Variants in RAB38 observed in about 807,000 individuals in gnomAD.
The protein encoded by RAB38 is RAB38, member RAS oncogene family, also known as ras-related protein Rab-38.
RAB38 carries 15 observed loss-of-function variants against 18.4 expected under a neutral mutation model. That is an observed-to-expected ratio of 0.82 (90% CI 0.55 to 1.26). The LOEUF is 1.26. Ranked by LOEUF, RAB38 falls within the 50% of genes most tolerant of loss-of-function variation. The pLI, the probability that RAB38 is intolerant of heterozygous loss-of-function variation, is 0.00. For synonymous variants in RAB38, 101 were observed against 104.4 expected, an observed-to-expected ratio of 0.97 and a Z score of 0.20; for missense variants, 294 against 267.4, an observed-to-expected ratio of 1.10 and a Z score of -0.69.
chr11:87,818,320 T>C, the RAB38 span, among the ~76,000 whole-genome samples: 1 of 152,184 alleles, frequency 6.6e-6, no homozygotes, highest in East Asian at 1.9e-4. Context: ...AACAAATGAA[T>C]GAACACGATG....
intron 2 of RAB38, among the ~76,000 whole-genome samples, chr11:88,118,236 C>A (rs1942583520): frequency 6.6e-6 from 1 of 152,194 alleles, no homozygotes; most frequent in African/African-American, 2.4e-5. Context: ...AGGAATCAGG[C>A]AAGGCTGATT....
At chr11:88,105,997 T>G in the RAB38 span, among the ~76,000 whole-genome samples, 4 of 152,166 alleles carry the variant, frequency 2.6e-5, no homozygotes, top group African/African-American at 9.6e-5. Context: ...CTAACATTTA[T>G]TATAATGATA....
the RAB38 span, among the ~76,000 whole-genome samples, chr11:87,943,665 C>G: frequency 6.6e-6 from 1 of 151,910 alleles, no homozygotes; most frequent in Non-Finnish European, 1.5e-5. Context: ...TTGGGAGAGG[C>G]CTGTGAAAGG....
the RAB38 span, among the ~76,000 whole-genome samples, chr11:88,035,696 G>A: frequency 1.3e-5 from 2 of 152,174 alleles, no homozygotes; most frequent in African/African-American, 4.8e-5. Context: ...GTAAGGATCT[G>A]AATACCTCAA....
chr11:88,143,809 C>A (rs1942947789), intron 2 of RAB38, among the ~76,000 whole-genome samples: 2 of 152,156 alleles, frequency 1.3e-5, no homozygotes, highest in South Asian at 2.1e-4. Flanking sequence ...ATGGTTATAG[C>A]CTCTGATCGT....
chr11:87,948,145 C>G, the RAB38 span, among the ~76,000 whole-genome samples: 2 of 152,170 alleles, frequency 1.3e-5, no homozygotes, highest in Middle Eastern at 3.4e-3. Context: ...GTATTTTATT[C>G]TCTTTGAAGC....
the RAB38 span, among the ~76,000 whole-genome samples, chr11:87,952,181 A>C: frequency 6.6e-6 from 1 of 152,092 alleles, no homozygotes; most frequent in African/African-American, 2.4e-5. Context: ...GCTGGGGGGT[A>C]GGGAACACTC....
chr11:87,939,674 A>G, the RAB38 span, among the ~76,000 whole-genome samples: 4 of 152,070 alleles, frequency 2.6e-5, no homozygotes, highest in Non-Finnish European at 4.4e-5. Flanking sequence ...CCTGGGCAAC[A>G]TGGTGAGACC....
downstream of RAB38, among the ~76,000 whole-genome samples, chr11:88,108,821 A>C (rs1204881513): frequency 1.3e-5 from 2 of 152,160 alleles, no homozygotes; most frequent in Admixed American, 1.3e-4. Flanking sequence ...GCTCTTGTAA[A>C]GCAGGCGTGG....
the RAB38 span, among the ~76,000 whole-genome samples, chr11:88,077,631 A>G: frequency 6.6e-6 from 1 of 152,288 alleles, no homozygotes; most frequent in South Asian, 2.1e-4. Context: ...TGTTCCCTAT[A>G]TACAAAAGTC....
the RAB38 span, among the ~76,000 whole-genome samples, chr11:87,860,865 T>C: frequency 6.6e-6 from 1 of 152,036 alleles, no homozygotes; most frequent in South Asian, 2.1e-4. Context: ...CTGTATGTTA[T>C]AATTTAAAGT....
chr11:88,086,529 G>C, the RAB38 span, among the ~76,000 whole-genome samples: 1 of 151,846 alleles, frequency 6.6e-6, no homozygotes, highest in Non-Finnish European at 1.5e-5. Flanking sequence ...CCTGACATAC[G>C]CTATTCCAAT....
chr11:88,006,746 G>C, the RAB38 span, among the ~76,000 whole-genome samples: 4 of 151,118 alleles, frequency 2.6e-5, no homozygotes, highest in Non-Finnish European at 3.0e-5. Flanking sequence ...AAACAACCCA[G>C]TCACAGAAAG....
At chr11:87,928,107 A>G in the RAB38 span, among the ~76,000 whole-genome samples, 5 of 151,700 alleles carry the variant, frequency 3.3e-5, no homozygotes, top group African/African-American at 9.7e-5. Flanking sequence ...ACAAGAAAAG[A>G]AAGAAAGAAA....
chr11:87,917,799 A>C, the RAB38 span: 1 of 152,116 alleles, frequency 6.6e-6, no homozygotes, highest in African/African-American at 2.4e-5. Flanking sequence ...CACTGTGTGC[A>C]GAGAAGAGGA....
the RAB38 span, among the ~76,000 whole-genome samples, chr11:87,957,779 G>T: frequency 5.9e-5 from 9 of 151,994 alleles, no homozygotes; most frequent in Non-Finnish European, 1.2e-4. Flanking sequence ...ACACATCTTG[G>T]GGGAGCGTGG....
At chr11:88,096,269 A>C in the RAB38 span, among the ~76,000 whole-genome samples, 2 of 151,818 alleles carry the variant, frequency 1.3e-5, no homozygotes, top group African/African-American at 2.4e-5. Flanking sequence ...GGAAACCCCA[A>C]GCATGTTCCT....
the RAB38 span, among the ~76,000 whole-genome samples, chr11:87,962,484 C>T: frequency 6.6e-6 from 1 of 150,648 alleles, no homozygotes; most frequent in Admixed American, 6.7e-5. Context: ...TGGTGGTTAC[C>T]AGAGGCTTGG....
the RAB38 span, among the ~76,000 whole-genome samples, chr11:87,911,323 G>A: frequency 6.6e-6 from 1 of 151,984 alleles, no homozygotes; most frequent in Non-Finnish European, 1.5e-5. Context: ...AAAGCCTATG[G>A]AGATTTTGAA....
Sources: allele counts gnomAD v4.1 joint callset (sites outside exome capture counted in the v4.1 genomes callset), GRCh38; gene constraint gnomAD v4.1.1; transcripts MANE v1.5; gene names NCBI Gene and HGNC (gene_info 2026-07-23, HGNC 2026-07-21).